TPD52: variants seen among roughly 807,000 people sequenced by gnomAD.
TPD52 encodes prostate and colon associated protein.
Under a neutral mutation model 31.3 loss-of-function variants are expected in TPD52, and 17 were observed. That is an observed-to-expected ratio of 0.54 (90% CI 0.37 to 0.82). The LOEUF (loss-of-function observed/expected upper bound fraction) is 0.82. TPD52 is among the 40% of genes least tolerant of loss of function. The probability of loss-of-function intolerance (pLI) is 0.00; values close to 1 mark genes in which losing one functional copy is unlikely to be tolerated. For synonymous variants in TPD52, 83 were observed against 89.6 expected (o/e 0.93, Z 0.42); for missense variants, 212 against 240.1 (o/e 0.88, Z 0.77).
At chr8:80,170,986 A>G in intron 1 of TPD52, 1 of 380,412 alleles carries the variant, frequency 2.6e-6, no homozygotes, top group South Asian at 2.1e-5. Flanking sequence ...GAAGGCAGAA[A>G]GTCTTAATTT....
intron 1 of TPD52, among the ~76,000 whole-genome samples, chr8:80,168,511 G>A (rs1373477435): frequency 6.6e-6 from 1 of 152,160 alleles, no homozygotes; most frequent in Non-Finnish European, 1.5e-5. Flanking sequence ...TAAGTATGTT[G>A]CCAAAATCAC....
rs1810025796 is a variant in TPD52, at chr8:80,037,993, A to G, written c.*123T>C. The G allele has an allele frequency of 7.3e-7, 1 of 1,373,570 alleles. No homozygotes were observed. Among genetic ancestry groups the G allele is most frequent in the African/African-American group, 1.4e-5 (1 of 69,008 alleles). 85.1% of individuals were successfully genotyped at this position (1,373,570 alleles called of 1,614,324 possible). ...TTTAACCCACAAACTATTTGGTCAA[A>G]GGAATATGTAAAGCTAAATAAAAGC... On this transcript the variant is annotated 3_prime_UTR_variant, in exon 8 of 8. Transcript: ENST00000518937.
chr8:80,046,647 A>G (rs980703872), intron 5 of TPD52, among the ~76,000 whole-genome samples: 3 of 152,168 alleles, frequency 2.0e-5, no homozygotes, highest in African/African-American at 7.2e-5. Flanking sequence ...TATAAGGCAC[A>G]TTTTGTTAAA....
At chr8:80,102,595 C>A (rs1489370609) in intron 1 of TPD52, among the ~76,000 whole-genome samples, 2 of 152,170 alleles carry the variant, frequency 1.3e-5, no homozygotes, top group African/African-American at 4.8e-5. Flanking sequence ...CCTTTTAGAA[C>A]ATCGTGTTGT....
chr8:80,138,454 T>C (rs1809594793), intron 1 of TPD52, among the ~76,000 whole-genome samples: 1 of 152,186 alleles, frequency 6.6e-6, no homozygotes, highest in South Asian at 2.1e-4. Context: ...CAACTCAAAG[T>C]GGCTTATGGT....
chr8:80,042,689 C>G (rs1314154888), intron 6 of TPD52, 21 bp from the exon 7 acceptor site: 1 of 1,596,380 alleles, frequency 6.3e-7, no homozygotes, highest in Non-Finnish European at 8.5e-7. Flanking sequence ...AAAAGAAAAA[C>G]AAATAGTAAA....
At chr8:80,112,164 T>C (rs899270947) in intron 1 of TPD52, among the ~76,000 whole-genome samples, 9 of 152,224 alleles carry the variant, frequency 5.9e-5, no homozygotes, top group African/African-American at 1.9e-4. Context: ...GAGATTATGA[T>C]TGAATACAAA....
chr8:80,148,349 G>C (rs1260382129), intron 1 of TPD52, among the ~76,000 whole-genome samples: 1 of 75,214 alleles, frequency 1.3e-5, no homozygotes, highest in Admixed American at 1.4e-4. Flanking sequence ...TGTGTGTACA[G>C]AGAGAATCTT....
chr8:80,171,315 T>A, intron 1 of TPD52, 110 bp downstream of exon 1: 1 of 1,415,282 alleles, frequency 7.1e-7, no homozygotes, highest in Non-Finnish European at 9.7e-7. Context: ...CCCAGGAGGC[T>A]CGGCACCTGC....
chr8:80,164,078 G>A (rs576178868), intron 1 of TPD52, among the ~76,000 whole-genome samples: 3 of 151,098 alleles, frequency 2.0e-5, no homozygotes, highest in Non-Finnish European at 3.0e-5. Flanking sequence ...AAGGGGAAAG[G>A]GGGGAGGAGA....
chr8:80,104,590 A>C (rs1806972934), intron 1 of TPD52, among the ~76,000 whole-genome samples: 1 of 151,402 alleles, frequency 6.6e-6, no homozygotes, highest in Non-Finnish European at 1.5e-5. Context: ...ACAACAAAAA[A>C]AACAGAAATG....
chr8:80,159,497 G>A (rs1299505055), intron 1 of TPD52, among the ~76,000 whole-genome samples: 1 of 152,126 alleles, frequency 6.6e-6, no homozygotes, highest in Non-Finnish European at 1.5e-5. Flanking sequence ...GTAAGGACAC[G>A]TACTCTCTAG....
chr8:80,052,276 C>G (rs542424363), intron 3 of TPD52, among the ~76,000 whole-genome samples: 1 of 152,134 alleles, frequency 6.6e-6, no homozygotes, highest in Non-Finnish European at 1.5e-5. Flanking sequence ...TTCCCAGCTA[C>G]CTGGAGATTA....
At chr8:80,085,251 A>C (rs1815647576) in intron 1 of TPD52, among the ~76,000 whole-genome samples, 2 of 152,256 alleles carry the variant, frequency 1.3e-5, no homozygotes, top group South Asian at 4.1e-4. Context: ...AGGTGCAGCC[A>C]GTAAAGTGCG....
intron 1 of TPD52, among the ~76,000 whole-genome samples, chr8:80,154,201 G>A (rs1810769168): frequency 6.6e-6 from 1 of 152,222 alleles, no homozygotes; most frequent in South Asian, 2.1e-4. Context: ...GACTGCATGG[G>A]CAGGCAACTT....
chr8:80,095,339 G>C (rs1200903251), intron 1 of TPD52, among the ~76,000 whole-genome samples: 4 of 152,104 alleles, frequency 2.6e-5, no homozygotes, highest in Non-Finnish European at 5.9e-5. Flanking sequence ...ACAGTAAAAA[G>C]ATCAATGGTT....
rs1807059165 is a variant in TPD52 at position 80,105,728 on chromosome 8, GCT to G, written c.20-41137_20-41136del. ...CTAGGATTACACCCATCCCAGGTCT[GCT>G]TTTTTTTTTTTTTTTTTTTGAGATG... On this transcript the variant is annotated intron_variant, in intron 1 of 7. Coordinates refer to ENST00000518937, the MANE Select transcript of TPD52 (RefSeq NM_001025253.3). 2.5e-5 allele frequency among the ~76,000 whole-genome samples: 3 copies of G among 122,296 alleles called. No homozygotes were observed. In the South Asian group the frequency reaches 8.1e-4, roughly 33 times the overall value. 80.2% of individuals were successfully genotyped at this position (122,296 alleles called of 152,430 possible). A position where few individuals can be genotyped will look rare whatever the true frequency, so the allele number is the denominator to read the frequency against.
intron 1 of TPD52, among the ~76,000 whole-genome samples, chr8:80,169,506 A>T (rs1364247642): frequency 6.6e-6 from 1 of 152,232 alleles, no homozygotes; most frequent in African/African-American, 2.4e-5. Flanking sequence ...AAGAAGTTGG[A>T]ATACTGCAGT....
rs141223764 is a variant in TPD52 at position 80,086,142 on chromosome 8, G to A, written c.20-21549C>T. On this transcript the variant is annotated intron_variant, in intron 1 of 7. Coordinates refer to ENST00000518937, the MANE Select transcript of TPD52 (RefSeq NM_001025253.3). Reference sequence around the variant, plus strand: ...GTTTTTTTTTTTTTTTTTTTGAGACGGACTCTCACTCTGTTGCCAGGCTGG... The same window carrying A: ...GTTTTTTTTTTTTTTTTTTTGAGACAGACTCTCACTCTGTTGCCAGGCTGG... Among the ~76,000 whole-genome samples the A allele has an allele frequency of 2.4e-3, 307 of 125,882 alleles. 1 individual carries two copies. The highest frequency in any genetic ancestry group is 8.6e-3 in the African/African-American group (279 of 32,508). The allele number at this position is 125,882 out of a possible 152,430, so 82.6% of individuals were successfully genotyped here.
Sources: gnomAD v4.1 joint callset for allele counts (sites outside exome capture counted in the v4.1 genomes callset) on GRCh38, gnomAD v4.1.1 for gene constraint, MANE v1.5 for transcripts, NCBI Gene and HGNC (gene_info 2026-07-23, HGNC 2026-07-21) for gene names.